KCNB2: variants seen among roughly 807,000 people sequenced by gnomAD.
The protein encoded by KCNB2 is potassium voltage-gated channel subfamily B member 2, also known as delayed rectifier potassium channel protein.
KCNB2 carries 15 observed loss-of-function variants against 61.5 expected under a neutral mutation model. The ratio of observed to expected loss-of-function variants is 0.24; its 90% CI spans 0.16 to 0.38. The LOEUF is 0.38. KCNB2 is among the 10% of genes least tolerant of loss of function. KCNB2 has a pLI of 1.00. For missense variants in KCNB2, 828 were observed against 1,125.2 expected, an observed-to-expected ratio of 0.74 and a Z score of 3.78; for synonymous variants, 457 against 446.0, an observed-to-expected ratio of 1.02 and a Z score of -0.31.
chr8:72,568,710 G>C (rs1157786615), intron 2 of KCNB2, among the ~76,000 whole-genome samples: 2 of 152,160 alleles, frequency 1.3e-5, no homozygotes, highest in Non-Finnish European at 2.9e-5. Context: ...ACTGTCACTG[G>C]AAGGAGAGGA....
chr8:72,676,603 A>G (rs1163269770), intron 2 of KCNB2, among the ~76,000 whole-genome samples: 1 of 151,564 alleles, frequency 6.6e-6, no homozygotes, highest in African/African-American at 2.4e-5. Flanking sequence ...GGGGGGATAT[A>G]TAGAATTTAC....
intron 2 of KCNB2, among the ~76,000 whole-genome samples, chr8:72,669,386 TA>T (rs1379013022): frequency 6.6e-6 from 1 of 152,228 alleles, no homozygotes; most frequent in African/African-American, 2.4e-5. Flanking sequence ...TTGACTAATA[TA>T]TTTAACTAAT....
At chr8:72,850,227 G>C (rs1810075282) in intron 2 of KCNB2, among the ~76,000 whole-genome samples, 1 of 86,602 alleles carries the variant, frequency 1.2e-5, no homozygotes, top group Non-Finnish European at 2.8e-5. Flanking sequence ...GTGTATGTGT[G>C]TGTGTGTGTG....
chr8:72,716,448 A>G (rs1807442247), intron 2 of KCNB2, among the ~76,000 whole-genome samples: 1 of 152,232 alleles, frequency 6.6e-6, no homozygotes, highest in Admixed American at 6.5e-5. Context: ...GCAACCCATC[A>G]AAAAGCTTAT....
rs937184954 is a variant in KCNB2, at chr8:72,573,099, T to G, written c.579+4786T>G. On this transcript the variant is annotated intron_variant, in intron 2 of 2. Coordinates refer to ENST00000523207, the MANE Select transcript of KCNB2 (RefSeq NM_004770.3). ...CCTGTTTGGTTGCCCTGTTGATAACTCCTTGAGAACTAGTCCCCTATTCCA... is the reference window on the plus strand; with the variant it reads ...CCTGTTTGGTTGCCCTGTTGATAACGCCTTGAGAACTAGTCCCCTATTCCA... 2.5e-4 allele frequency among the ~76,000 whole-genome samples: 38 copies of G among 152,164 alleles called. 1 individual carries two copies. The highest frequency in any genetic ancestry group is 9.2e-4 in the African/African-American group (38 of 41,438).
intron 2 of KCNB2, chr8:72,618,901 C>T (rs919886018): frequency 1.3e-5 from 4 of 308,518 alleles, no homozygotes; most frequent in African/African-American, 4.5e-5. Context: ...TTCTCTGATA[C>T]CGCTACTAGG....
chr8:72,906,025 C>T (rs55726665), intron 2 of KCNB2, among the ~76,000 whole-genome samples: 1,731 of 152,270 alleles, frequency 0.011, 38 homozygotes, highest in African/African-American at 0.04. Flanking sequence ...AGCCAAAATT[C>T]GGTTTTCTGT....
chr8:72,757,094 C>T (rs764370902), intron 2 of KCNB2, among the ~76,000 whole-genome samples: 1 of 152,062 alleles, frequency 6.6e-6, no homozygotes, highest in East Asian at 1.9e-4. Context: ...GTGGAAAGGA[C>T]AGAACCTTGG....
intron 2 of KCNB2, among the ~76,000 whole-genome samples, chr8:72,795,342 G>A (rs17185588): frequency 0.052 from 7,920 of 152,250 alleles, 296 homozygotes; most frequent in Non-Finnish European, 0.075. Context: ...ATTTCAATCC[G>A]TAAAATGACC....
intron 1 of KCNB2, among the ~76,000 whole-genome samples, chr8:72,557,844 T>C (rs983606466): frequency 2.0e-5 from 3 of 152,192 alleles, no homozygotes; most frequent in Non-Finnish European, 2.9e-5. Context: ...GTTTTATATA[T>C]GTACAAGTTG....
intron 2 of KCNB2, among the ~76,000 whole-genome samples, chr8:72,726,249 C>A (rs1585855630): frequency 6.6e-6 from 1 of 152,122 alleles, no homozygotes; most frequent in Non-Finnish European, 1.5e-5. Flanking sequence ...GGTTGGTGGC[C>A]AATCACAAAT....
chr8:72,833,837 A>T (rs1384388915), intron 2 of KCNB2, among the ~76,000 whole-genome samples: 1 of 152,202 alleles, frequency 6.6e-6, no homozygotes, highest in Non-Finnish European at 1.5e-5. Flanking sequence ...CAATTGACTC[A>T]GAATGAAGGC....
intron 2 of KCNB2, among the ~76,000 whole-genome samples, chr8:72,707,551 GC>G (rs1807249282): frequency 6.6e-6 from 1 of 152,078 alleles, no homozygotes; most frequent in South Asian, 2.1e-4. Flanking sequence ...GTATCAGAAG[GC>G]CTGACCCCAC....
At chr8:72,904,162 G>A (rs2129006831) in intron 2 of KCNB2, among the ~76,000 whole-genome samples, 1 of 151,956 alleles carries the variant, frequency 6.6e-6, no homozygotes, top group South Asian at 2.1e-4. Context: ...TATAGAAGTT[G>A]GCTGCATCAC....
At chr8:72,578,002 T>C (rs1454585078) in intron 2 of KCNB2, among the ~76,000 whole-genome samples, 1 of 152,244 alleles carries the variant, frequency 6.6e-6, no homozygotes, top group Non-Finnish European at 1.5e-5. Context: ...TTTTAGTTTG[T>C]ATCTTAGAAT....
intron 2 of KCNB2, chr8:72,751,369 A>C (rs1808184929): frequency 6.6e-6 from 1 of 152,202 alleles, no homozygotes. Context: ...ATTTCATTAC[A>C]ATGTTATAGA....
intron 2 of KCNB2, among the ~76,000 whole-genome samples, chr8:72,764,200 A>G (rs1301675340): frequency 1.3e-5 from 2 of 152,190 alleles, no homozygotes; most frequent in South Asian, 2.1e-4. Flanking sequence ...GGAGAAAGGC[A>G]GGATGGATAA....
intron 2 of KCNB2, among the ~76,000 whole-genome samples, chr8:72,912,394 C>T (rs1021337308): frequency 6.6e-6 from 1 of 151,524 alleles, no homozygotes; most frequent in African/African-American, 2.4e-5. Flanking sequence ...ACATTCATAG[C>T]CTTTATGAGA....
chr8:72,711,541 CA>C (rs887168099), intron 2 of KCNB2, among the ~76,000 whole-genome samples: 108 of 152,296 alleles, frequency 7.1e-4, no homozygotes, highest in African/African-American at 2.4e-3. Context: ...TCAAGATTCA[CA>C]GGAGGCCTTT....
Sources: gnomAD v4.1 joint callset for allele counts (sites outside exome capture counted in the v4.1 genomes callset) on GRCh38, gnomAD v4.1.1 for gene constraint, MANE v1.5 for transcripts, NCBI Gene and HGNC (gene_info 2026-07-23, HGNC 2026-07-21) for gene names.